Variants in PMP22 observed in about 807,000 individuals in gnomAD.
PMP22 encodes the protein Charcot-Marie-Tooth neuropathy 1A (greatly reduced nerve conduction velocity, hereditary motor sensory neuropathy Ia).
In PMP22, 2 loss-of-function variants were observed where a neutral mutation model predicts 18.9. The observed-to-expected ratio is 0.11, with a 90% CI of 0.04 to 0.33. The LOEUF is 0.33. Among genes scored for constraint, PMP22 ranks in the 10% least tolerant of loss-of-function variants. PMP22 has a pLI of 1.00. For missense variants in PMP22, 169 were observed against 202.2 expected, an observed-to-expected ratio of 0.84 and a Z score of 1.00; for synonymous variants, 95 against 89.2, an observed-to-expected ratio of 1.07 and a Z score of -0.37.
Position 15,259,120 on chromosome 17 carries a change from T to C in PMP22, c.152A>G (p.His51Arg), listed in dbSNP as rs368908933. The C allele has an allele frequency of 1.5e-4, 239 of 1,613,746 alleles. No homozygotes were observed. Among genetic ancestry groups the C allele is most frequent in the South Asian group, 1.3e-3 (114 of 91,058 alleles). The change falls in exon 3 of 5, where the codon CAC becomes CGC. Residue 51 changes from histidine (H) to arginine (R), a missense_variant. His to Arg is a conservative substitution (Grantham distance 29). Transcript: ENST00000312280. The part of the protein sequence containing the change: ...NCSTSSSGNV[H>R]HCFSSSPNEW... ...GTTTGGTGATGATGAGAAACAGTGG[T>C]GGACATTTCCTGAGGAAGAGGTGCT...
intron 1 of PMP22, among the ~76,000 whole-genome samples, chr17:15,262,095 C>A (rs933202385): frequency 6.6e-6 from 1 of 152,216 alleles, no homozygotes; most frequent in Non-Finnish European, 1.5e-5. Flanking sequence ...CCAACACTCT[C>A]GGGATGTCCG....
At chr17:15,231,922 C>A (rs2150666034) in intron 4 of PMP22, among the ~76,000 whole-genome samples, 1 of 152,278 alleles carries the variant, frequency 6.6e-6, no homozygotes, top group East Asian at 1.9e-4. Context: ...CAGCCACGCT[C>A]AAACTGATGG....
At chr17:15,262,114 A>G (rs1909391068) in intron 1 of PMP22, among the ~76,000 whole-genome samples, 1 of 152,208 alleles carries the variant, frequency 6.6e-6, no homozygotes, top group African/African-American at 2.4e-5. Flanking sequence ...CGCCACAGGG[A>G]CTGTTTTGCC....
intron 4 of PMP22, among the ~76,000 whole-genome samples, chr17:15,234,251 G>A (rs1054249941): frequency 1.2e-4 from 18 of 152,298 alleles, no homozygotes; most frequent in African/African-American, 3.4e-4. Flanking sequence ...GGAACACAGC[G>A]ATGTCTCAGA....
intron 3 of PMP22, among the ~76,000 whole-genome samples, chr17:15,253,503 C>T (rs1908545298): frequency 6.6e-6 from 1 of 152,124 alleles, no homozygotes; most frequent in Non-Finnish European, 1.5e-5. Flanking sequence ...TGGACTGTCA[C>T]TCCAACTTGG....
At chr17:15,262,579 T>G (rs1327026110) in intron 1 of PMP22, 1 of 152,154 alleles carries the variant, frequency 6.6e-6, no homozygotes, top group Non-Finnish European at 1.5e-5. Flanking sequence ...CGTTCCCCTT[T>G]AACGGGAACA....
intron 3 of PMP22, among the ~76,000 whole-genome samples, chr17:15,246,054 A>G (rs1006214261): frequency 6.6e-6 from 1 of 152,008 alleles, no homozygotes; most frequent in Non-Finnish European, 1.5e-5. Context: ...AATGAGAGCC[A>G]CAATGTTCAC....
intron 4 of PMP22, among the ~76,000 whole-genome samples, chr17:15,237,905 G>C (rs1332938180): frequency 6.6e-6 from 1 of 151,832 alleles, no homozygotes; most frequent in Admixed American, 6.6e-5. Context: ...CATTATGAAA[G>C]TTCTGGTTCT....
chr17:15,260,532 A>G (rs879476442), intron 2 of PMP22, 118 bp downstream of exon 2: 66 of 862,274 alleles, frequency 7.7e-5, no homozygotes, highest in Admixed American at 1.4e-4. Context: ...CTTCCCTGGG[A>G]CGTCTGAGAC....
chr17:15,234,972 G>A (rs905847757), intron 4 of PMP22, among the ~76,000 whole-genome samples: 5 of 151,866 alleles, frequency 3.3e-5, no homozygotes, highest in African/African-American at 9.7e-5. Flanking sequence ...GTGCTCCAAG[G>A]CACCCCACTA....
At chr17:15,236,784 T>C (rs769546009) in intron 4 of PMP22, among the ~76,000 whole-genome samples, 1 of 152,176 alleles carries the variant, frequency 6.6e-6, no homozygotes, top group Non-Finnish European at 1.5e-5. Flanking sequence ...ACTCTCCAAA[T>C]AGAGTTCCTA....
At chr17:15,242,499 T>C (rs1907429548) in intron 3 of PMP22, among the ~76,000 whole-genome samples, 1 of 152,166 alleles carries the variant, frequency 6.6e-6, no homozygotes. Flanking sequence ...TCTTTACTTC[T>C]GGTTTACATG....
At chr17:15,257,604 A>T (rs1226887233) in intron 3 of PMP22, among the ~76,000 whole-genome samples, 1 of 152,214 alleles carries the variant, frequency 6.6e-6, no homozygotes, top group Non-Finnish European at 1.5e-5. Flanking sequence ...GAGAAACCGG[A>T]TGCTGTGGCT....
chr17:15,239,305 G>T, intron 4 of PMP22, 166 bp downstream of exon 4: 1 of 760,060 alleles, frequency 1.3e-6, no homozygotes, highest in Non-Finnish European at 2.3e-6. Flanking sequence ...ACACATACAG[G>T]TACACACCCA....
At chr17:15,260,965 A>C in intron 1 of PMP22, 1 of 337,536 alleles carries the variant, frequency 3.0e-6, no homozygotes, top group East Asian at 5.2e-5. Context: ...CCCAGTGCCC[A>C]GCGCCCAGCC....
At chr17:15,237,323 TA>T (rs1906901557) in intron 4 of PMP22, among the ~76,000 whole-genome samples, 1 of 152,218 alleles carries the variant, frequency 6.6e-6, no homozygotes, top group Non-Finnish European at 1.5e-5. Flanking sequence ...ATGATGTTGC[TA>T]AAAAGACATT....
At chr17:15,235,120 C>A in intron 4 of PMP22, 1 of 681,408 alleles carries the variant, frequency 1.5e-6, no homozygotes, top group Non-Finnish European at 2.7e-6. Flanking sequence ...ACACCTGGCC[C>A]AAATCCTTTT....
chr17:15,237,267 A>G (rs1906896574), intron 4 of PMP22, among the ~76,000 whole-genome samples: 1 of 152,210 alleles, frequency 6.6e-6, no homozygotes, highest in African/African-American at 2.4e-5. Context: ...TGAGTGACTT[A>G]AGGGTTCTTA....
Position 15,248,199 on chromosome 17 carries a change from C to T in PMP22, c.179-8588G>A, listed in dbSNP as rs983013779. ...GGGCTTGCTGGTCAGGCTAACTTTGCCTATGATTCATGCGGAAAGCAAAAC... is the reference window on the plus strand; with the variant it reads ...GGGCTTGCTGGTCAGGCTAACTTTGTCTATGATTCATGCGGAAAGCAAAAC... On this transcript the variant is annotated intron_variant, in intron 3 of 4. Coordinates refer to ENST00000312280, the MANE Select transcript of PMP22 (RefSeq NM_000304.4). Among the ~76,000 whole-genome samples, 3 of 152,330 alleles carry T rather than the reference C, an allele frequency of 2.0e-5. 1 individual carries two copies. The highest frequency in any genetic ancestry group is 2.0e-4 in the Admixed American group (3 of 15,300).
Sources: allele counts gnomAD v4.1 joint callset (sites outside exome capture counted in the v4.1 genomes callset), GRCh38; gene constraint gnomAD v4.1.1; transcripts MANE v1.5; gene names NCBI Gene and HGNC (gene_info 2026-07-23, HGNC 2026-07-21).